Variants in OSBPL10 observed in about 807,000 individuals in gnomAD.
The protein encoded by OSBPL10 is oxysterol binding protein like 10.
OSBPL10 carries 49 observed loss-of-function variants against 81.7 expected under a neutral mutation model. The ratio of observed to expected loss-of-function variants is 0.60; its 90% CI spans 0.48 to 0.76. The LOEUF (loss-of-function observed/expected upper bound fraction) is 0.76, where lower values mean the gene tolerates loss of function less well. Ranked by LOEUF, OSBPL10 falls within the 30% of genes least tolerant of loss-of-function variation. The pLI, the probability that OSBPL10 is intolerant of heterozygous loss-of-function variation, is 0.00. For synonymous variants in OSBPL10, 419 were observed against 383.6 expected, an observed-to-expected ratio of 1.09 and a Z score of -1.08; for missense variants, 923 against 987.8, an observed-to-expected ratio of 0.93 and a Z score of 0.88.
intron 3 of OSBPL10, among the ~76,000 whole-genome samples, chr3:31,874,578 T>G (rs553272020): frequency 1.3e-5 from 2 of 152,312 alleles, no homozygotes; most frequent in Admixed American, 1.3e-4. Flanking sequence ...GCAGTTTGCA[T>G]TATTTTTAAG....
chr3:31,852,314 G>A (rs1252000031), intron 3 of OSBPL10, among the ~76,000 whole-genome samples: 1 of 152,122 alleles, frequency 6.6e-6, no homozygotes, highest in Non-Finnish European at 1.5e-5. Flanking sequence ...GGGTCGGGGG[G>A]AAGGAGGTAC....
chr3:31,804,329 T>C (rs940745332), intron 4 of OSBPL10, among the ~76,000 whole-genome samples: 2 of 152,106 alleles, frequency 1.3e-5, no homozygotes, highest in African/African-American at 4.8e-5. Context: ...TATCTCCGTT[T>C]TACAGATTAG....
intron 4 of OSBPL10, among the ~76,000 whole-genome samples, chr3:31,787,711 G>C (rs1698894976): frequency 6.6e-6 from 1 of 152,080 alleles, no homozygotes; most frequent in Non-Finnish European, 1.5e-5. Context: ...ATCAAAGACA[G>C]ACCACTCAGT....
intron 6 of OSBPL10, among the ~76,000 whole-genome samples, chr3:31,731,526 T>C (rs975874829): frequency 3.3e-5 from 5 of 151,950 alleles, no homozygotes; most frequent in African/African-American, 1.2e-4. Flanking sequence ...TCTCGTTCTG[T>C]TGCCCAGGCT....
At chr3:31,812,927 A>G (rs773893437) in intron 4 of OSBPL10, among the ~76,000 whole-genome samples, 8 of 152,110 alleles carry the variant, frequency 5.3e-5, no homozygotes, top group African/African-American at 1.7e-4. Context: ...TGTAGGTTCT[A>G]TTTTTTGCTC....
At chr3:31,960,345 C>T (rs1366249107) in intron 1 of OSBPL10, 8 of 152,160 alleles carry the variant, frequency 5.3e-5, no homozygotes, top group Non-Finnish European at 8.8e-5. Flanking sequence ...TCCCTCACCA[C>T]GTTCAGTAAT....
At chr3:31,838,613 G>A (rs1005786157) in intron 3 of OSBPL10, among the ~76,000 whole-genome samples, 13 of 151,506 alleles carry the variant, frequency 8.6e-5, no homozygotes, top group African/African-American at 3.2e-4. Context: ...AGGACATGAG[G>A]ATTCACAGCC....
chr3:31,715,313 G>A (rs1696398188), intron 6 of OSBPL10, among the ~76,000 whole-genome samples: 1 of 152,336 alleles, frequency 6.6e-6, no homozygotes, highest in Non-Finnish European at 1.5e-5. Flanking sequence ...ATTGCAGCAA[G>A]TTTGATTGGA....
chr3:31,963,646 G>C (rs1335327476), intron 1 of OSBPL10, among the ~76,000 whole-genome samples: 2 of 152,088 alleles, frequency 1.3e-5, no homozygotes, highest in Non-Finnish European at 2.9e-5. Context: ...CCAGGCAGAA[G>C]AAAATTCTCA....
At chr3:32,053,537 G>A (rs1444558813) in intron 1 of OSBPL10, among the ~76,000 whole-genome samples, 3 of 152,180 alleles carry the variant, frequency 2.0e-5, no homozygotes, top group South Asian at 4.1e-4. Context: ...AGGTTTATGA[G>A]GCTCTTACCT....
intron 4 of OSBPL10, among the ~76,000 whole-genome samples, chr3:31,768,486 T>C (rs1417906492): frequency 6.6e-6 from 1 of 152,238 alleles, no homozygotes; most frequent in Non-Finnish European, 1.5e-5. Flanking sequence ...ACGAAGCTTT[T>C]AGAAAATGTG....
upstream of OSBPL10, among the ~76,000 whole-genome samples, chr3:31,984,166 AG>A (rs2125512824): frequency 6.6e-6 from 1 of 152,114 alleles, no homozygotes; most frequent in Admixed American, 6.5e-5. Flanking sequence ...CAGCTTCCCC[AG>A]TAGCTGGGAC....
intron 4 of OSBPL10, among the ~76,000 whole-genome samples, chr3:31,789,415 T>C (rs918853164): frequency 6.6e-6 from 1 of 152,112 alleles, no homozygotes; most frequent in African/African-American, 2.4e-5. Context: ...TCAGCCTTTG[T>C]TGGAAAAGAA....
At chr3:32,066,161 A>AAAGG (rs58902796) in intron 1 of OSBPL10, among the ~76,000 whole-genome samples, 2,479 of 53,410 alleles carry the variant, frequency 0.046, 311 homozygotes, top group African/African-American at 0.097. Context: ...AGAAAGGAAG[A>AAAGG]AAGGAAGGAA....
intron 1 of OSBPL10, among the ~76,000 whole-genome samples, chr3:31,922,514 A>C (rs1268789255): frequency 6.6e-6 from 1 of 152,136 alleles, no homozygotes; most frequent in Non-Finnish European, 1.5e-5. Context: ...GTTACTCGAG[A>C]GACTGAGGCA....
intron 4 of OSBPL10, among the ~76,000 whole-genome samples, chr3:31,757,122 A>G (rs778609784): frequency 2.4e-4 from 37 of 152,218 alleles, no homozygotes; most frequent in Non-Finnish European, 4.7e-4. Flanking sequence ...ATTAAATAAA[A>G]TAGGGGGAAA....
intron 1 of OSBPL10, among the ~76,000 whole-genome samples, chr3:31,938,412 A>G (rs1697440928): frequency 1.3e-5 from 2 of 152,224 alleles, no homozygotes; most frequent in African/African-American, 4.8e-5. Context: ...AGCAGATGGC[A>G]TAACAGATTC....
intron 1 of OSBPL10, among the ~76,000 whole-genome samples, chr3:31,971,139 CTTTTTT>C (rs56785817): frequency 8.4e-6 from 1 of 119,356 alleles, no homozygotes. Context: ...TTTCTTTTTT[CTTTTTT>C]TTTTTTTTTT....
At chr3:31,882,185 C>CA (rs1189300589) in intron 1 of OSBPL10, among the ~76,000 whole-genome samples, 1 of 152,204 alleles carries the variant, frequency 6.6e-6, no homozygotes, top group Non-Finnish European at 1.5e-5. Flanking sequence ...GGCAGTCCTC[C>CA]AAAGCTCCAA....
Sources: allele counts gnomAD v4.1 joint callset (sites outside exome capture counted in the v4.1 genomes callset), GRCh38; gene constraint gnomAD v4.1.1; transcripts MANE v1.5; gene names NCBI Gene and HGNC (gene_info 2026-07-23, HGNC 2026-07-21).